Variants in ZNF644 observed in about 807,000 individuals in gnomAD.
ZNF644 encodes zinc finger motif enhancer binding protein 2.
ZNF644 carries 20 observed loss-of-function variants against 108.0 expected under a neutral mutation model. That is an observed-to-expected ratio of 0.19 (90% CI 0.13 to 0.27). ZNF644 has a LOEUF of 0.27. Ranked by LOEUF, ZNF644 falls within the 10% of genes least tolerant of loss-of-function variation. The pLI is 1.00. For missense variants in ZNF644, 1,338 were observed against 1,548.9 expected (o/e 0.86, Z 2.29); for synonymous variants, 542 against 539.1 (o/e 1.01, Z -0.08).
intron 2 of ZNF644, among the ~76,000 whole-genome samples, chr1:90,978,025 CAT>C (rs780785454): frequency 3.9e-5 from 6 of 152,130 alleles, no homozygotes; most frequent in Non-Finnish European, 8.8e-5. Context: ...CATAAGGTCA[CAT>C]GTGACTTTTA....
At chr1:90,927,700 T>C (rs1210693850) in intron 4 of ZNF644, among the ~76,000 whole-genome samples, 1 of 152,202 alleles carries the variant, frequency 6.6e-6, no homozygotes, top group Non-Finnish European at 1.5e-5. Flanking sequence ...AAATAAGTTA[T>C]AGCTAAGAAA....
intron 2 of ZNF644, among the ~76,000 whole-genome samples, chr1:90,969,521 T>C (rs1655250971): frequency 6.6e-6 from 1 of 152,202 alleles, no homozygotes; most frequent in Non-Finnish European, 1.5e-5. Flanking sequence ...ACCTTTTAAA[T>C]TGCACACAGT....
intron 1 of ZNF644, 62 bp downstream of exon 1, chr1:91,021,928 C>T: frequency 2.5e-6 from 1 of 399,284 alleles, no homozygotes; most frequent in Non-Finnish European, 4.4e-6. Flanking sequence ...GCTGCCACAG[C>T]CCAGAGGCCC....
At chr1:90,981,893 A>G (rs1456992069) in intron 2 of ZNF644, among the ~76,000 whole-genome samples, 2 of 152,120 alleles carry the variant, frequency 1.3e-5, no homozygotes, top group African/African-American at 4.8e-5. Flanking sequence ...TTAACATTAA[A>G]AATGAAGCAA....
chr1:90,976,618 A>T (rs937535106), intron 2 of ZNF644, among the ~76,000 whole-genome samples: 2 of 152,246 alleles, frequency 1.3e-5, no homozygotes, highest in African/African-American at 4.8e-5. Context: ...TTTATACTAA[A>T]GACAAGCATG....
chr1:90,967,311 A>C (rs1285056024), intron 2 of ZNF644, among the ~76,000 whole-genome samples: 1 of 152,182 alleles, frequency 6.6e-6, no homozygotes, highest in Non-Finnish European at 1.5e-5. Context: ...CACAGCTCTT[A>C]AAGTCACTTA....
At chr1:91,019,801 G>A (rs1384718488) in intron 1 of ZNF644, among the ~76,000 whole-genome samples, 1 of 152,272 alleles carries the variant, frequency 6.6e-6, no homozygotes, top group African/African-American at 2.4e-5. Context: ...TCTTGACCTC[G>A]TGATCTGCTC....
chr1:90,943,318 G>A (rs1214948861), intron 2 of ZNF644, among the ~76,000 whole-genome samples: 1 of 152,146 alleles, frequency 6.6e-6, no homozygotes, highest in African/African-American at 2.4e-5. Context: ...GTGGGTGCCT[G>A]TAGTCCCAGC....
intron 1 of ZNF644, among the ~76,000 whole-genome samples, chr1:90,986,091 AG>A (rs904686626): frequency 1.3e-5 from 2 of 152,102 alleles, no homozygotes; most frequent in Admixed American, 6.5e-5. Flanking sequence ...TATAAGTGGG[AG>A]GGGGTACAAA....
At chr1:91,015,345 G>T (rs2100675312) in intron 1 of ZNF644, among the ~76,000 whole-genome samples, 1 of 152,220 alleles carries the variant, frequency 6.6e-6, no homozygotes, top group Admixed American at 6.5e-5. Flanking sequence ...AATGCTGTTT[G>T]GGAAATTCCC....
chr1:90,937,490 T>C lies in ZNF644; in HGVS notation c.3683A>G (p.His1228Arg), dbSNP rs759595796. ...AGTCATAAACGTCCTCTTACCTGAG[T>C]GCATAGTCAAGTCCATTTTTTGTGG... ...YQPQKMDLTM[H>R]SALDCKQKKS... Residue 1228 changes from histidine (H) to arginine (R), a missense_variant, in exon 4 of 6, where the codon CAC becomes CGC. By Grantham distance (29) the His-to-Arg change is conservative (BLOSUM62 0). Transcript: ENST00000337393. 6.8e-6 allele frequency: 11 copies of C among 1,613,606 alleles called. No individual in the cohort carries two copies. Among genetic ancestry groups the C allele is most frequent in the Non-Finnish European group, 2.5e-6 (3 of 1,179,676 alleles).
chr1:90,931,086 T>G (rs540008030), intron 4 of ZNF644, among the ~76,000 whole-genome samples: 30 of 152,290 alleles, frequency 2.0e-4, no homozygotes, highest in Non-Finnish European at 4.0e-4. Context: ...CACTAGTACT[T>G]AGGTGTGACA....
chr1:90,965,780 G>A (rs965180341), intron 2 of ZNF644, among the ~76,000 whole-genome samples: 5 of 151,760 alleles, frequency 3.3e-5, no homozygotes, highest in African/African-American at 9.7e-5. Context: ...ATGGAGTTTC[G>A]CTCTTGTTGC....
At chr1:90,932,466 A>G (rs1376508324) in intron 4 of ZNF644, among the ~76,000 whole-genome samples, 1 of 152,212 alleles carries the variant, frequency 6.6e-6, no homozygotes, top group Non-Finnish European at 1.5e-5. Flanking sequence ...AAGATTTTAT[A>G]AAAATGAATT....
At chr1:90,971,136 A>G (rs1655423615) in intron 2 of ZNF644, among the ~76,000 whole-genome samples, 1 of 152,108 alleles carries the variant, frequency 6.6e-6, no homozygotes, top group African/African-American at 2.4e-5. Context: ...CCTCAAACAA[A>G]ATACTAGCAA....
chr1:90,966,297 C>T (rs1654876152), intron 2 of ZNF644, among the ~76,000 whole-genome samples: 1 of 152,138 alleles, frequency 6.6e-6, no homozygotes, highest in Non-Finnish European at 1.5e-5. Context: ...AGTACTAACA[C>T]CTGATACATT....
At chr1:90,997,757 G>A (rs983932535) in intron 1 of ZNF644, among the ~76,000 whole-genome samples, 5 of 152,290 alleles carry the variant, frequency 3.3e-5, no homozygotes, top group East Asian at 1.9e-4. Flanking sequence ...CGCCTCACCC[G>A]GGAAGTGCAA....
intron 2 of ZNF644, among the ~76,000 whole-genome samples, chr1:90,979,461 G>A (rs1030871022): frequency 2.0e-5 from 3 of 152,080 alleles, no homozygotes; most frequent in Admixed American, 6.6e-5. Context: ...CAACAAGAGC[G>A]AAACTCCATC....
chr1:90,938,749 A>G lies in ZNF644; in HGVS notation c.2605T>C (p.Tyr869His). ...TCATCTTCTATGGCCTGTGTAGTGTAGTCTCCTAACTCAACATTATCCCAG... is the reference window on the plus strand; with the variant it reads ...TCATCTTCTATGGCCTGTGTAGTGTGGTCTCCTAACTCAACATTATCCCAG... ...SSWDNVELGD[Y>H]TTQAIEDETY... The change falls in exon 3 of 6, where the codon TAC (tyrosine) becomes CAC (histidine). Residue 869 changes from tyrosine (Y) to histidine (H), a missense_variant. Transcript: ENST00000337393. This position sits in a 1 kb window ranked among gnomAD's most constrained non-coding sequence, Gnocchi z 4.2. 1.2e-6 allele frequency: 2 copies of G among 1,613,894 alleles called. No individual in the cohort carries two copies. The highest frequency in any genetic ancestry group is 1.7e-6 in the Non-Finnish European group (2 of 1,179,886).
Sources: gnomAD v4.1 joint callset for allele counts (sites outside exome capture counted in the v4.1 genomes callset) on GRCh38, gnomAD v4.1.1 for gene constraint, Gnocchi (gnomAD v3.1) non-coding constraint, MANE v1.5 for transcripts, NCBI Gene and HGNC (gene_info 2026-07-23, HGNC 2026-07-21) for gene names.